XRRA1: variants seen among roughly 807,000 people sequenced by gnomAD.
XRRA1 encodes the protein X-ray radiation resistance-associated protein 1.
XRRA1 carries 69 observed loss-of-function variants against 80.2 expected under a neutral mutation model. The ratio of observed to expected loss-of-function variants is 0.86; its 90% confidence interval spans 0.71 to 1.05. The LOEUF (loss-of-function observed/expected upper bound fraction) is 1.05. Among genes scored for constraint, XRRA1 ranks in the 50% least tolerant of loss-of-function variants. The pLI is 0.00. For synonymous variants in XRRA1, 348 were observed against 389.9 expected (o/e 0.89, Z 1.27); for missense variants, 967 against 976.4 (o/e 0.99, Z 0.13).
chr11:74,891,411 G>A (rs1007001186), intron 10 of XRRA1, among the ~76,000 whole-genome samples: 3 of 152,042 alleles, frequency 2.0e-5, no homozygotes, highest in African/African-American at 4.8e-5. Flanking sequence ...TCTGAAAATA[G>A]TAAGAGCTAT....
At chr11:74,887,949 C>T (rs542845407) in intron 10 of XRRA1, among the ~76,000 whole-genome samples, 81 of 152,274 alleles carry the variant, frequency 5.3e-4, no homozygotes, top group African/African-American at 1.8e-3. Context: ...TAGAGCCCGC[C>T]GCAACTCAAG....
intron 10 of XRRA1, among the ~76,000 whole-genome samples, chr11:74,902,136 A>T (rs1353161876): frequency 6.6e-6 from 1 of 152,248 alleles, no homozygotes. Context: ...AAAAGAAGTC[A>T]TTCAAATGGA....
intron 16 of XRRA1, among the ~76,000 whole-genome samples, 181 bp from the exon 17 acceptor site, chr11:74,844,464 T>C (rs182824818): frequency 2.0e-4 from 31 of 152,304 alleles, no homozygotes; most frequent in African/African-American, 7.2e-4. Context: ...AGTTCCATCA[T>C]TCTTCAGTGA....
chr11:74,928,903 G>C (rs1273840787), intron 6 of XRRA1, among the ~76,000 whole-genome samples: 2 of 152,068 alleles, frequency 1.3e-5, no homozygotes. Flanking sequence ...CAATGCAAGA[G>C]TATCCATCTC....
At chr11:74,903,430 G>A (rs547265295) in intron 10 of XRRA1, among the ~76,000 whole-genome samples, 62 of 152,322 alleles carry the variant, frequency 4.1e-4, no homozygotes, top group African/African-American at 1.4e-3. Context: ...TAGGCTGGGC[G>A]CGGTGGCTCA....
At chr11:74,856,524 C>T (rs2041142653) in intron 12 of XRRA1, among the ~76,000 whole-genome samples, 1 of 152,194 alleles carries the variant, frequency 6.6e-6, no homozygotes, top group South Asian at 2.1e-4. Flanking sequence ...AGAGATGGGA[C>T]ACAGACACTG....
At chr11:74,918,240 T>G (rs1939407559) in intron 8 of XRRA1, among the ~76,000 whole-genome samples, 1 of 152,116 alleles carries the variant, frequency 6.6e-6, no homozygotes, top group Non-Finnish European at 1.5e-5. Flanking sequence ...TCCTGACCAG[T>G]TAAGAAAAGA....
chr11:74,897,381 A>T (rs1184073266), intron 10 of XRRA1, among the ~76,000 whole-genome samples: 1 of 152,124 alleles, frequency 6.6e-6, no homozygotes, highest in African/African-American at 2.4e-5. Flanking sequence ...AAATAGCCTT[A>T]AAAAGCACAA....
intron 2 of XRRA1, among the ~76,000 whole-genome samples, chr11:74,942,272 T>C (rs180994270): frequency 6.6e-6 from 1 of 151,882 alleles, no homozygotes; most frequent in South Asian, 2.1e-4. Context: ...GGACCGAAAA[T>C]AGGCCATGAG....
intron 10 of XRRA1, among the ~76,000 whole-genome samples, chr11:74,885,258 T>C (rs1246615403): frequency 6.6e-6 from 1 of 151,594 alleles, no homozygotes; most frequent in East Asian, 1.9e-4. Context: ...AGTGAGACCC[T>C]GTCTCAAAGA....
In XRRA1 at chr11:74,843,704, T is replaced by G. The variant is rs1591459959; in HGVS notation, c.2149+150A>C. 248 of 831,340 alleles carry G rather than the reference T, an allele frequency of 3.0e-4. 1 individual carries two copies. The East Asian group carries it at 6.5e-3, about 22-fold the overall frequency. The allele number at this position is 831,340 out of a possible 1,614,324, so 51.5% of individuals were successfully genotyped here. A position where few individuals can be genotyped will look rare whatever the true frequency, so the allele number is the denominator to read the frequency against. ...TTTTAGGCAACTCCCTGCCTCACGC[T>G]GGCTCTCCTTTTGTCCATCTACATG... On this transcript the variant is annotated intron_variant, in intron 18 of 18. Transcript: ENST00000684022.
chr11:74,867,440 A>G (rs919378789), intron 10 of XRRA1, among the ~76,000 whole-genome samples: 2 of 152,236 alleles, frequency 1.3e-5, no homozygotes, highest in African/African-American at 4.8e-5. Flanking sequence ...TACAACTGCA[A>G]TGTTAACAGC....
chr11:74,873,720 T>C (rs568418410), intron 10 of XRRA1, among the ~76,000 whole-genome samples: 26 of 152,302 alleles, frequency 1.7e-4, no homozygotes, highest in Admixed American at 3.9e-4. Flanking sequence ...ACAGAAGATA[T>C]AAGGTTTCAA....
intron 2 of XRRA1, among the ~76,000 whole-genome samples, chr11:74,943,524 GGTGTGTGTGT>G (rs67590742): frequency 0.38 from 53,071 of 137,860 alleles, 10,725 homozygotes; most frequent in Middle Eastern, 0.51. Context: ...AGAGTAGGAG[GGTGTGTGTGT>G]GTGTGTGTGT....
At chr11:74,940,673 G>C in intron 3 of XRRA1, 112 bp downstream of exon 3, 1 of 850,942 alleles carries the variant, frequency 1.2e-6, no homozygotes, top group East Asian at 2.7e-5. Context: ...GGAAGGATTA[G>C]GTAGAGCAGG....
At chr11:74,927,600 G>A (rs1942578230) in intron 6 of XRRA1, 112 bp from the exon 7 acceptor site, 3 of 644,332 alleles carry the variant, frequency 4.7e-6, no homozygotes, top group Admixed American at 3.0e-5. Context: ...CACTGTATAA[G>A]GTACTTTACA....
intron 4 of XRRA1, among the ~76,000 whole-genome samples, chr11:74,934,922 A>T (rs559131950): frequency 9.6e-4 from 146 of 152,338 alleles, no homozygotes; most frequent in African/African-American, 3.3e-3. Flanking sequence ...AGACGAATGT[A>T]CCAGATTGGT....
chr11:74,854,124 T>C (rs1270573273), intron 12 of XRRA1, among the ~76,000 whole-genome samples: 1 of 152,062 alleles, frequency 6.6e-6, no homozygotes, highest in Non-Finnish European at 1.5e-5. Flanking sequence ...GAAGAAAAAA[T>C]TTATCAATTT....
intron 10 of XRRA1, among the ~76,000 whole-genome samples, chr11:74,884,291 G>A (rs918107786): frequency 6.6e-6 from 1 of 152,150 alleles, no homozygotes; most frequent in Non-Finnish European, 1.5e-5. Context: ...GCTACCTGTG[G>A]GCCAGGCATG....
Sources: allele counts gnomAD v4.1 joint callset (sites outside exome capture counted in the v4.1 genomes callset), GRCh38; gene constraint gnomAD v4.1.1; transcripts MANE v1.5; gene names NCBI Gene and HGNC (gene_info 2026-07-23, HGNC 2026-07-21).